FOXN3: variants seen among roughly 807,000 people sequenced by gnomAD.
The protein encoded by FOXN3 is forkhead box N3, also known as forkhead box protein N3.
Under a neutral mutation model 38.4 loss-of-function variants are expected in FOXN3, and 7 were observed. That is an observed-to-expected ratio of 0.18 (90% CI 0.10 to 0.34). The LOEUF is 0.34. FOXN3 is among the 10% of genes least tolerant of loss of function. FOXN3 has a pLI of 1.00. For synonymous variants in FOXN3, 230 were observed against 242.2 expected, an observed-to-expected ratio of 0.95 and a Z score of 0.47; for missense variants, 456 against 613.4, an observed-to-expected ratio of 0.74 and a Z score of 2.71.
At chr14:89,362,210 GCAC>G (rs749653662) in intron 2 of FOXN3, among the ~76,000 whole-genome samples, 2 of 138 alleles carry the variant, frequency 0.014, 1 homozygote, top group Non-Finnish European at 0.029. Context: ...ACCACCTCCA[GCAC>G]CACCACCTCC....
At chr14:89,454,269 ACTCCAGCCTGGG>A (rs1163776505) in intron 1 of FOXN3, among the ~76,000 whole-genome samples, 15 of 152,150 alleles carry the variant, frequency 9.9e-5, no homozygotes, top group African/African-American at 3.6e-4. Flanking sequence ...GCACCACTGT[ACTCCAGCCTGGG>A]CAACAGAGTG....
At chr14:89,601,863 G>A (rs546874994) in intron 1 of FOXN3, among the ~76,000 whole-genome samples, 3 of 152,004 alleles carry the variant, frequency 2.0e-5, no homozygotes, top group African/African-American at 7.2e-5. Context: ...ACTAGCACTC[G>A]TAGACCTCAA....
At chr14:89,320,829 TA>T (rs969037114) in intron 3 of FOXN3, among the ~76,000 whole-genome samples, 6 of 152,128 alleles carry the variant, frequency 3.9e-5, no homozygotes, top group Non-Finnish European at 8.8e-5. Context: ...AAAAAAGCCT[TA>T]AAGTATTAAG....
chr14:89,327,297 G>A (rs747920368), intron 3 of FOXN3, among the ~76,000 whole-genome samples: 28 of 152,198 alleles, frequency 1.8e-4, no homozygotes, highest in Non-Finnish European at 3.8e-4. Context: ...TGTGCTTAAC[G>A]ACTACAGATC....
At chr14:89,322,194 A>G (rs1409425898) in intron 3 of FOXN3, among the ~76,000 whole-genome samples, 1 of 152,134 alleles carries the variant, frequency 6.6e-6, no homozygotes, top group Non-Finnish European at 1.5e-5. Flanking sequence ...ACTGTTAATA[A>G]TTAGCAGGAA....
chr14:89,393,974 C>T (rs117463501), intron 2 of FOXN3, among the ~76,000 whole-genome samples: 726 of 152,168 alleles, frequency 4.8e-3, no homozygotes, highest in Non-Finnish European at 7.6e-3. Context: ...GCTGGGAAGT[C>T]CAAGATGGAA....
intron 1 of FOXN3, among the ~76,000 whole-genome samples, chr14:89,581,721 A>G (rs901710078): frequency 7.2e-5 from 11 of 152,092 alleles, no homozygotes; most frequent in Non-Finnish European, 1.6e-4. Flanking sequence ...CTCTTATACC[A>G]CAGGACAGTG....
rs1272234694 is a variant in FOXN3 at position 89,547,513 on chromosome 14, G to A, written c.-15+71515C>T. On this transcript the variant is annotated intron_variant, in intron 1 of 6. Coordinates refer to the FOXN3 transcript ENST00000345097. ...GGGTTTCACCATGTTGGCCAGGCTC[G>A]TCTCGAACTCCTGACCTCAAGCAAT... Among the ~76,000 whole-genome samples, 8 of 152,164 alleles carry A rather than the reference G, an allele frequency of 5.3e-5. No homozygotes were observed. In the East Asian group the frequency reaches 1.5e-3, roughly 29 times the overall value.
At chr14:89,514,746 T>C (rs1347604767) in intron 1 of FOXN3, among the ~76,000 whole-genome samples, 1 of 152,192 alleles carries the variant, frequency 6.6e-6, no homozygotes, top group African/African-American at 2.4e-5. Flanking sequence ...CCTCACTCCA[T>C]CTGTGCATCT....
chr14:89,193,136 G>A lies in FOXN3; in HGVS notation c.746-12330C>T, dbSNP rs139402452. Among the ~76,000 whole-genome samples, 599 of 152,104 alleles carry A rather than the reference G, an allele frequency of 3.9e-3. 4 individuals are homozygous for A. The highest frequency in any genetic ancestry group is 0.014 in the African/African-American group (562 of 41,498). On this transcript the variant is annotated intron_variant, in intron 4 of 5. Transcript: ENST00000557258. ...AAAGGTCTCTGCCATTATTGAGAAC[G>A]AAAGTGCTACAGGTGACCATGGTTG...
chr14:89,613,328 A>C (rs1896433429), intron 1 of FOXN3, among the ~76,000 whole-genome samples: 1 of 152,086 alleles, frequency 6.6e-6, no homozygotes, highest in Admixed American at 6.5e-5. Context: ...TGTATCCTTC[A>C]GTTCAAAAAG....
At chr14:89,180,904 GAGAGACAGAGGGC>G in intron 4 of FOXN3, 98 bp from the exon 5 acceptor site, 1 of 443,398 alleles carries the variant, frequency 2.3e-6, no homozygotes, top group Non-Finnish European at 3.5e-6. Flanking sequence ...AAGAGAGAGA[GAGAGACAGAGGGC>G]AGAGACAGAG....
intron 3 of FOXN3, among the ~76,000 whole-genome samples, chr14:89,301,871 C>G (rs1032180436): frequency 1.3e-5 from 2 of 152,168 alleles, no homozygotes; most frequent in African/African-American, 4.8e-5. Flanking sequence ...CCTGATACTT[C>G]CAACTGAGCA....
At chr14:89,356,264 G>C (rs1449971540) in intron 2 of FOXN3, 1 of 152,044 alleles carries the variant, frequency 6.6e-6, no homozygotes, top group African/African-American at 2.4e-5. Context: ...AGGCATGATG[G>C]AGGGTGCCTG....
At chr14:89,406,252 A>G (rs1891385020) in intron 2 of FOXN3, among the ~76,000 whole-genome samples, 1 of 147,686 alleles carries the variant, frequency 6.8e-6, no homozygotes, top group South Asian at 2.1e-4. Context: ...CAGCCCTACA[A>G]AAAAAAAAAA....
At chr14:89,307,828 C>T (rs755460534) in intron 3 of FOXN3, among the ~76,000 whole-genome samples, 3 of 152,188 alleles carry the variant, frequency 2.0e-5, no homozygotes, top group Non-Finnish European at 2.9e-5. Context: ...AATCCTATAG[C>T]AGTCTCTGCT....
rs772382028 is a variant in FOXN3 at position 89,586,473 on chromosome 14, T to C, written c.-15+32555A>G. 7.7e-4 allele frequency among the ~76,000 whole-genome samples: 117 copies of C among 152,106 alleles called. 1 individual carries two copies. Among genetic ancestry groups the C allele is most frequent in the Non-Finnish European group, 1.2e-3 (85 of 68,016 alleles). On this transcript the variant is annotated intron_variant, in intron 1 of 6. Coordinates refer to the FOXN3 transcript ENST00000345097. ...GCGGTCTCCTGTGCTTACCACAGAT[T>C]AGTGTGAGGTTCGTGAAGATGTCAT...
At chr14:89,521,708 A>G (rs1469758445) in intron 1 of FOXN3, among the ~76,000 whole-genome samples, 1 of 152,152 alleles carries the variant, frequency 6.6e-6, no homozygotes, top group African/African-American at 2.4e-5. Flanking sequence ...ATACCTTATA[A>G]TATCATTGTC....
rs1895631738 is a variant in FOXN3, at chr14:89,576,714, C to CATTTGCAAAGT, written c.-15+42313_-15+42314insACTTTGCAAAT. The CATTTGCAAAGT allele has an allele frequency of 2.6e-5, 4 of 152,194 alleles. No homozygotes were observed. In the South Asian group the frequency reaches 8.3e-4, roughly 32 times the overall value. The allele number at this position is 152,194 out of a possible 1,614,324, so 9.4% of individuals were successfully genotyped here. ...AATTCGGATCAGATGTCTTCTGTTC[C>CATTTGCAAAGT]CCGAACACTTCCGCTGTTGACTTTG... On this transcript the variant is annotated intron_variant, in intron 1 of 6. Transcript: ENST00000345097.
Sources: gnomAD v4.1 joint callset for allele counts (sites outside exome capture counted in the v4.1 genomes callset) on GRCh38, gnomAD v4.1.1 for gene constraint, MANE v1.5 for transcripts, NCBI Gene and HGNC (gene_info 2026-07-23, HGNC 2026-07-21) for gene names.